The following LDB2 variants were observed in gnomAD, a reference collection of about 807,000 sequenced individuals.
The protein encoded by LDB2 is LIM domain binding 2.
In LDB2, 12 loss-of-function variants were observed where a neutral mutation model predicts 44.3. The ratio of observed to expected loss-of-function variants is 0.27; its 90% CI spans 0.17 to 0.44. LDB2 has a LOEUF of 0.44. Among genes scored for constraint, LDB2 ranks in the 20% least tolerant of loss-of-function variants. The pLI, the probability that LDB2 is intolerant of heterozygous loss-of-function variation, is 1.00. For missense variants in LDB2, 344 were observed against 473.5 expected, an observed-to-expected ratio of 0.73 and a Z score of 2.54; for synonymous variants, 164 against 174.8, an observed-to-expected ratio of 0.94 and a Z score of 0.49.
Position 16,557,468 on chromosome 4 carries a change from G to T in LDB2, c.615+28454C>A, listed in dbSNP as rs1442655276. Among the ~76,000 whole-genome samples, 3 of 152,226 alleles carry T rather than the reference G, an allele frequency of 2.0e-5. No homozygotes were observed. In the South Asian group the frequency reaches 6.2e-4, roughly 31 times the overall value. On this transcript the variant is annotated intron_variant, in intron 5 of 7. Coordinates refer to ENST00000304523, the MANE Select transcript of LDB2 (RefSeq NM_001290.5). ...AATCTCGCTGATTGCTAGCACAGCA[G>T]TCTGAGATCAAACTGCAAGGCGGCG...
chr4:16,562,373 GA>G (rs1005601271), intron 5 of LDB2, among the ~76,000 whole-genome samples: 2 of 151,866 alleles, frequency 1.3e-5, no homozygotes, highest in Non-Finnish European at 2.9e-5. Flanking sequence ...AAATTTACAA[GA>G]AAAAAACAAC....
At chr4:16,526,696 A>T (rs1728371166) in intron 5 of LDB2, among the ~76,000 whole-genome samples, 1 of 152,220 alleles carries the variant, frequency 6.6e-6, no homozygotes, top group Non-Finnish European at 1.5e-5. Context: ...CTTTGAAAAT[A>T]AAAGGGTGCC....
At chr4:16,548,628 C>T (rs74710739) in intron 5 of LDB2, among the ~76,000 whole-genome samples, 3,607 of 152,252 alleles carry the variant, frequency 0.024, 97 homozygotes, top group African/African-American at 0.061. Flanking sequence ...AATAAATAAC[C>T]ATTTGTTTAC....
intron 1 of LDB2, among the ~76,000 whole-genome samples, chr4:16,791,602 T>C (rs1479038855): frequency 7.4e-6 from 1 of 135,992 alleles, no homozygotes; most frequent in Non-Finnish European, 1.6e-5. Flanking sequence ...TAGAAGCAGC[T>C]GCTTTTGATT....
intron 2 of LDB2, among the ~76,000 whole-genome samples, chr4:16,678,389 G>A (rs548409843): frequency 6.6e-6 from 1 of 152,288 alleles, no homozygotes; most frequent in East Asian, 1.9e-4. Flanking sequence ...TGATTTTGGA[G>A]TATTCTTACT....
chr4:16,898,598 C>A lies in LDB2; in HGVS notation c.-113G>T, dbSNP rs34689111. 982 of 1,012,700 alleles carry A rather than the reference C, an allele frequency of 9.7e-4. 5 individuals are homozygous for A. In the African/African-American group the frequency reaches 0.014, roughly 15 times the overall value. The allele number at this position is 1,012,700 out of a possible 1,614,324, so 62.7% of individuals were successfully genotyped here. ...AGACGCACGCACACACGCTCACACA[C>A]ACACAGAGGCAGGCAGGCAGGCAGG... is the stretch of plus-strand genomic sequence containing the variant. On this transcript the variant is annotated 5_prime_UTR_variant, in exon 1 of 8. Transcript: ENST00000304523.
intron 1 of LDB2, chr4:16,893,101 T>C: frequency 2.1e-6 from 2 of 968,636 alleles, no homozygotes; most frequent in Non-Finnish European, 2.5e-6. Flanking sequence ...GTAGAGATCC[T>C]GAAAAATAAG....
At chr4:16,870,876 C>T (rs563739416) in intron 1 of LDB2, among the ~76,000 whole-genome samples, 6 of 152,216 alleles carry the variant, frequency 3.9e-5, no homozygotes, top group East Asian at 1.9e-4. Flanking sequence ...TCAGGTGATC[C>T]GCCCACCTCG....
At chr4:16,641,090 G>A (rs182817247) in intron 2 of LDB2, among the ~76,000 whole-genome samples, 10 of 152,246 alleles carry the variant, frequency 6.6e-5, no homozygotes, top group African/African-American at 2.4e-4. Flanking sequence ...GATGGAAACT[G>A]GAAGCATTTT....
At chr4:16,563,099 GA>G (rs1412017222) in intron 5 of LDB2, among the ~76,000 whole-genome samples, 1 of 151,762 alleles carries the variant, frequency 6.6e-6, no homozygotes, top group East Asian at 1.9e-4. Flanking sequence ...ATAGCATTAG[GA>G]GATATACCTA....
At chr4:16,758,077 C>CA (rs1173178389) in intron 2 of LDB2, among the ~76,000 whole-genome samples, 19 of 152,264 alleles carry the variant, frequency 1.2e-4, no homozygotes, top group African/African-American at 4.6e-4. Flanking sequence ...GCAGAATCAC[C>CA]ATGTGCATAT....
chr4:16,653,391 A>G (rs552886483), intron 2 of LDB2, among the ~76,000 whole-genome samples: 35 of 152,336 alleles, frequency 2.3e-4, no homozygotes, highest in Admixed American at 4.6e-4. Context: ...TTGGTGATTT[A>G]AAAACAACGA....
intron 5 of LDB2, among the ~76,000 whole-genome samples, chr4:16,522,999 TA>T (rs898890823): frequency 4.6e-5 from 7 of 152,326 alleles, no homozygotes; most frequent in African/African-American, 1.7e-4. Context: ...GCCAAGGCAC[TA>T]AAAATGAAGG....
At chr4:16,712,129 A>G (rs1189798447) in intron 2 of LDB2, among the ~76,000 whole-genome samples, 1 of 152,236 alleles carries the variant, frequency 6.6e-6, no homozygotes, top group Non-Finnish European at 1.5e-5. Flanking sequence ...AAAAGACAGT[A>G]CACACGCTTG....
chr4:16,548,763 A>T (rs1482880002), intron 5 of LDB2, among the ~76,000 whole-genome samples: 1 of 152,234 alleles, frequency 6.6e-6, no homozygotes, highest in East Asian at 1.9e-4. Flanking sequence ...GAAATGTAAT[A>T]GTCACTCACT....
At chr4:16,560,223 G>T (rs1304590004) in intron 5 of LDB2, among the ~76,000 whole-genome samples, 3 of 152,106 alleles carry the variant, frequency 2.0e-5, no homozygotes, top group Non-Finnish European at 4.4e-5. Flanking sequence ...AATCAGAGCA[G>T]AACTGAAGGA....
chr4:16,503,673 C>G (rs1029628751), intron 7 of LDB2, among the ~76,000 whole-genome samples: 4 of 152,144 alleles, frequency 2.6e-5, no homozygotes, highest in Admixed American at 6.5e-5. Flanking sequence ...TAAAGAGAAC[C>G]GGTCTGTCCA....
chr4:16,594,667 A>G (rs543863265), intron 3 of LDB2, among the ~76,000 whole-genome samples: 1 of 152,362 alleles, frequency 6.6e-6, no homozygotes, highest in East Asian at 1.9e-4. Context: ...AAGAAACATT[A>G]TATTTTTATT....
At chr4:16,745,742 A>G (rs1377350612) in intron 2 of LDB2, among the ~76,000 whole-genome samples, 2 of 152,204 alleles carry the variant, frequency 1.3e-5, no homozygotes, top group Non-Finnish European at 1.5e-5. Context: ...CTGCAGGTAC[A>G]CATTTGCCAC....
Sources: allele counts gnomAD v4.1 joint callset (sites outside exome capture counted in the v4.1 genomes callset), GRCh38; gene constraint gnomAD v4.1.1; transcripts MANE v1.5; gene names NCBI Gene and HGNC (gene_info 2026-07-23, HGNC 2026-07-21).